Variants in DOCK4 observed in about 807,000 individuals in gnomAD.
The protein encoded by DOCK4 is dedicator of cytokinesis 4, also known as dedicator of cytokinesis protein 4.
Under a neutral mutation model 268.1 loss-of-function variants are expected in DOCK4, and 97 were observed. The ratio of observed to expected loss-of-function variants is 0.36; its 90% CI spans 0.31 to 0.43. DOCK4 has a LOEUF of 0.43. Ranked by LOEUF, DOCK4 falls within the 20% of genes least tolerant of loss-of-function variation. DOCK4 has a pLI of 1.00. For synonymous variants in DOCK4, 954 were observed against 887.2 expected (o/e 1.08, Z -1.34); for missense variants, 2,145 against 2,455.7 (o/e 0.87, Z 2.67).
intron 30 of DOCK4, chr7:111,801,864 T>A (rs1466880706): frequency 6.6e-6 from 1 of 150,432 alleles, no homozygotes; most frequent in East Asian, 2.0e-4. Flanking sequence ...TAATTTTTTT[T>A]TTTTTTTTTT....
intron 1 of DOCK4, among the ~76,000 whole-genome samples, chr7:112,134,798 T>C (rs1444606583): frequency 7.2e-6 from 1 of 139,026 alleles, no homozygotes; most frequent in East Asian, 2.5e-4. Flanking sequence ...AAATTATAAG[T>C]ATATCAAGGT....
intron 23 of DOCK4, among the ~76,000 whole-genome samples, chr7:111,859,693 A>G (rs1050398112): frequency 4.1e-5 from 6 of 147,000 alleles, no homozygotes; most frequent in Admixed American, 2.8e-4. Flanking sequence ...TCAGCCTCCC[A>G]AGTAGCTGGG....
At chr7:112,085,528 A>G (rs770696878) in intron 1 of DOCK4, among the ~76,000 whole-genome samples, 1 of 152,166 alleles carries the variant, frequency 6.6e-6, no homozygotes, top group East Asian at 1.9e-4. Context: ...AGAAAGTATC[A>G]AGCATTTATC....
At chr7:111,742,358 A>G (rs890728305) in intron 44 of DOCK4, among the ~76,000 whole-genome samples, 1 of 152,348 alleles carries the variant, frequency 6.6e-6, no homozygotes, top group African/African-American at 2.4e-5. Flanking sequence ...TTCTGATTTC[A>G]GACTTAATTT....
chr7:112,050,644 CAG>C (rs142683638), intron 1 of DOCK4, among the ~76,000 whole-genome samples: 16 of 150,256 alleles, frequency 1.1e-4, no homozygotes, highest in Non-Finnish European at 1.0e-4. Context: ...AAGAGTCTGA[CAG>C]AGAGAGAGAG....
At chr7:111,933,298 A>ATATATTT (rs1554380830) in intron 12 of DOCK4, among the ~76,000 whole-genome samples, 2 of 74,826 alleles carry the variant, frequency 2.7e-5, no homozygotes, top group African/African-American at 1.3e-4. Context: ...ATATATATAT[A>ATATATTT]TTTTTTTTTT....
chr7:112,087,469 G>A (rs1441605404), intron 1 of DOCK4, among the ~76,000 whole-genome samples: 1 of 151,954 alleles, frequency 6.6e-6, no homozygotes, highest in Non-Finnish European at 1.5e-5. Context: ...CACTGAAGAC[G>A]CCTATATAAA....
intron 8 of DOCK4, among the ~76,000 whole-genome samples, chr7:111,975,962 G>A (rs1455978191): frequency 4.7e-5 from 7 of 150,424 alleles, no homozygotes; most frequent in African/African-American, 1.7e-4. Context: ...TCAGGAGTTC[G>A]AGACCAGCCT....
At chr7:111,911,007 A>T (rs1430131285) in intron 13 of DOCK4, among the ~76,000 whole-genome samples, 1 of 152,224 alleles carries the variant, frequency 6.6e-6, no homozygotes, top group Non-Finnish European at 1.5e-5. Flanking sequence ...CATTGATTAC[A>T]TTCTGTGATC....
chr7:112,105,436 A>G (rs552679832), intron 1 of DOCK4, among the ~76,000 whole-genome samples: 1 of 152,206 alleles, frequency 6.6e-6, no homozygotes, highest in Admixed American at 6.5e-5. Context: ...TTTTAAAAAT[A>G]TAAGAAGTTT....
Position 111,738,064 on chromosome 7 carries a change from G to A in DOCK4, c.5232+1070C>T, listed in dbSNP as rs570167875. 2.6e-5 allele frequency among the ~76,000 whole-genome samples: 4 copies of A among 152,208 alleles called. No individual in the cohort carries two copies. The South Asian group carries it at 8.3e-4, about 32-fold the overall frequency. On this transcript the variant is annotated intron_variant, in intron 49 of 52. Coordinates refer to ENST00000428084, the MANE Select transcript of DOCK4 (RefSeq NM_001363540.2). The stretch of plus-strand genomic sequence containing the variant: ...TGGTGTAGAAAAACAGAAATTAGCT[G>A]GAGTAGAAATAACTATTTTTCTCTG...
At chr7:111,873,512 G>GAATTT (rs1806598754) in intron 17 of DOCK4, among the ~76,000 whole-genome samples, 1 of 152,198 alleles carries the variant, frequency 6.6e-6, no homozygotes, top group African/African-American at 2.4e-5. Context: ...CGAGAGAGGA[G>GAATTT]CCAGGACAGA....
chr7:111,822,633 A>T (rs181370384), intron 26 of DOCK4, among the ~76,000 whole-genome samples, 177 bp from the exon 27 acceptor site: 75 of 152,242 alleles, frequency 4.9e-4, no homozygotes, highest in African/African-American at 1.5e-3. Context: ...CATTCTCAGG[A>T]CTCAAACCCA....
At chr7:111,792,970 G>T (rs1586002624) in intron 30 of DOCK4, among the ~76,000 whole-genome samples, 1 of 152,190 alleles carries the variant, frequency 6.6e-6, no homozygotes, top group East Asian at 1.9e-4. Flanking sequence ...AACACATGAG[G>T]AAAGTGGGCA....
intron 38 of DOCK4, among the ~76,000 whole-genome samples, chr7:111,766,203 C>T (rs1222911973): frequency 6.6e-6 from 1 of 152,212 alleles, no homozygotes; most frequent in Non-Finnish European, 1.5e-5. Context: ...ACATGAAATA[C>T]TGTGCCAAAA....
intron 12 of DOCK4, among the ~76,000 whole-genome samples, chr7:111,928,563 A>C (rs1216474181): frequency 6.6e-6 from 1 of 151,654 alleles, no homozygotes. Context: ...AACTGCATGC[A>C]AAATAGCCTG....
At chr7:112,048,002 T>G (rs191924342) in intron 1 of DOCK4, among the ~76,000 whole-genome samples, 1 of 152,188 alleles carries the variant, frequency 6.6e-6, no homozygotes, top group East Asian at 1.9e-4. Context: ...AGAAAAAAAT[T>G]TTAAACACAA....
intron 1 of DOCK4, among the ~76,000 whole-genome samples, chr7:112,192,105 T>G (rs749469416): frequency 6.6e-6 from 1 of 150,898 alleles, no homozygotes. Flanking sequence ...TATATAATTA[T>G]ATACTATAGT....
chr7:112,092,459 G>C (rs540004197), intron 1 of DOCK4, among the ~76,000 whole-genome samples: 1 of 152,102 alleles, frequency 6.6e-6, no homozygotes, highest in Non-Finnish European at 1.5e-5. Context: ...GAGCTGACGT[G>C]TGCACACTTT....
Sources: allele counts gnomAD v4.1 joint callset (sites outside exome capture counted in the v4.1 genomes callset), GRCh38; gene constraint gnomAD v4.1.1; transcripts MANE v1.5; gene names NCBI Gene and HGNC (gene_info 2026-07-23, HGNC 2026-07-21).